The following BIN1 variants were observed in gnomAD, a reference collection of about 807,000 sequenced individuals.
BIN1 encodes the protein myc box-dependent-interacting protein 1.
Under a neutral mutation model 82.0 loss-of-function variants are expected in BIN1, and 53 were observed. The observed-to-expected ratio is 0.65, with a 90% CI of 0.52 to 0.81. The LOEUF is 0.81. Among genes scored for constraint, BIN1 ranks in the 40% least tolerant of loss-of-function variants. The pLI is 0.00. For synonymous variants in BIN1, 302 were observed against 328.0 expected (o/e 0.92, Z 0.86); for missense variants, 642 against 784.4 (o/e 0.82, Z 2.17).
rs3832046 is a variant in BIN1, at chr2:127,069,731, A to AAC, written c.411+262_411+263dup. Among the ~76,000 whole-genome samples the AAC allele has an allele frequency of 0.13, 18,856 of 147,568 alleles. 1,385 individuals carry two copies. The highest frequency in any genetic ancestry group is 0.28 in the South Asian group (1,285 of 4,536). ...ATCATATAGCCAGCCACTCCGCAGC[A>AAC]ACACACACACACACACACACACACA... On this transcript the variant is annotated intron_variant, in intron 5 of 18. Coordinates refer to ENST00000316724, the MANE Select transcript of BIN1 (RefSeq NM_139343.3).
intron 17 of BIN1, 59 bp from the exon 18 acceptor site, chr2:127,050,581 G>A: frequency 6.3e-7 from 1 of 1,582,994 alleles, no homozygotes; most frequent in Non-Finnish European, 8.7e-7. Context: ...CCTGCACAGA[G>A]CACGGGCCTT....
At chr2:127,077,551 C>T (rs1284866716) in intron 1 of BIN1, among the ~76,000 whole-genome samples, 16 of 152,290 alleles carry the variant, frequency 1.1e-4, no homozygotes, top group Admixed American at 4.6e-4. Flanking sequence ...GACCATCACG[C>T]TCTCCCAGAC....
chr2:127,076,685 C>T lies in BIN1; in HGVS notation c.106G>A (p.Ala36Thr). 1 of 1,614,106 alleles carries T rather than the reference C, an allele frequency of 6.2e-7. No homozygotes were observed. The highest frequency in any genetic ancestry group is 8.5e-7 in the Non-Finnish European group (1 of 1,180,026). Residue 36 changes from alanine to threonine, a missense_variant, in exon 2 of 19, where the codon GCA becomes ACA. Physicochemically the swap from Ala to Thr is moderately conservative, Grantham distance 58. Coordinates refer to ENST00000316724, the MANE Select transcript of BIN1 (RefSeq NM_139343.3). ...AACTGCTCATCCTTGGTCTCATCTGCCTTCCCCAGCTTCTGGAGAACCTGC... is the reference window on the plus strand; with the variant it reads ...AACTGCTCATCCTTGGTCTCATCTGTCTTCCCCAGCTTCTGGAGAACCTGC... ...QEKVLQKLGK[A>T]DETKDEQFEQ...
At chr2:127,066,002 G>A (rs1236098535) in intron 7 of BIN1, among the ~76,000 whole-genome samples, 2 of 152,180 alleles carry the variant, frequency 1.3e-5, no homozygotes, top group East Asian at 1.9e-4. Flanking sequence ...CCGGGGTCCC[G>A]AGGACAGCAT....
chr2:127,077,899 G>A lies in BIN1; in HGVS notation c.85-1193C>T, dbSNP rs183900859. 1.9e-3 allele frequency among the ~76,000 whole-genome samples: 283 copies of A among 152,214 alleles called. 1 individual carries two copies. The highest frequency in any genetic ancestry group is 6.0e-3 in the African/African-American group (249 of 41,522). ...GACCTCACAAGAATGAGAAGGAAAC[G>A]GGGGTAGGGGATGGGAGTGGAAAGC... On this transcript the variant is annotated intron_variant, in intron 1 of 18. Transcript: ENST00000316724.
chr2:127,092,676 A>G (rs1354613217), intron 1 of BIN1, among the ~76,000 whole-genome samples: 4 of 152,212 alleles, frequency 2.6e-5, no homozygotes, highest in Non-Finnish European at 5.9e-5. Context: ...TCCACCCTGC[A>G]GTCCCAGTCA....
In BIN1 at chr2:127,063,582, C is replaced by T. The variant is rs1276771357; in HGVS notation, c.763G>A (p.Glu255Lys). ...TCCCCATGGCCTACCTTGCTCATCTCCTTGTGGAAGTTTTCCTCCAGGCCC... is the reference window on the plus strand; with the variant it reads ...TCCCCATGGCCTACCTTGCTCATCTTCTTGTGGAAGTTTTCCTCCAGGCCC... The part of the protein sequence containing the change: ...IAGLEENFHK[E>K]MSKLNQNLND... The change falls in exon 9 of 19, where the codon GAG becomes AAG. Residue 255 changes from glutamate (E) to lysine (K), a missense_variant. Glu to Lys is a moderately conservative substitution (Grantham distance 56). Transcript: ENST00000316724. The T allele has an allele frequency of 6.2e-7, 1 of 1,614,006 alleles. No individual in the cohort carries two copies. The highest frequency in any genetic ancestry group is 8.5e-7 in the Non-Finnish European group (1 of 1,179,970).
chr2:127,077,618 G>A (rs73953231), intron 1 of BIN1, among the ~76,000 whole-genome samples: 4,554 of 152,260 alleles, frequency 0.03, 252 homozygotes, highest in African/African-American at 0.1. Context: ...GGAGAGAGAG[G>A]TGGGAGCAGG....
chr2:127,089,713 C>T (rs1311349051), intron 1 of BIN1, among the ~76,000 whole-genome samples: 2 of 152,122 alleles, frequency 1.3e-5, no homozygotes, highest in African/African-American at 4.8e-5. Flanking sequence ...GGGCAGCTGG[C>T]CAGGAACCCC....
At chr2:127,096,694 C>T (rs1341980332) in intron 1 of BIN1, among the ~76,000 whole-genome samples, 3 of 152,200 alleles carry the variant, frequency 2.0e-5, no homozygotes, top group Admixed American at 1.3e-4. Flanking sequence ...ACAGCTCATA[C>T]CACTTCAGGC....
chr2:127,073,547 C>T (rs1014215016), intron 2 of BIN1, among the ~76,000 whole-genome samples: 3 of 152,316 alleles, frequency 2.0e-5, no homozygotes, highest in African/African-American at 4.8e-5. Flanking sequence ...ACATCAGTCC[C>T]CACAGGTGGC....
At position 127,054,032 on chromosome 2, in the gene BIN1, G is replaced by A; in HGVS notation, c.1132-20C>T. ...CTCAAACTTGGCAGCAGCAGCAGCA[G>A]CAGAGGAGGAAGCAGTTAGTGTTAA... On this transcript the variant is annotated intron_variant, in intron 12 of 18. Coordinates refer to ENST00000316724, the MANE Select transcript of BIN1 (RefSeq NM_139343.3). 6.5e-7 allele frequency: 1 copy of A among 1,547,652 alleles called. No individual in the cohort carries two copies.
chr2:127,106,225 G>A (rs572883789), intron 1 of BIN1, among the ~76,000 whole-genome samples: 1 of 152,324 alleles, frequency 6.6e-6, no homozygotes, highest in African/African-American at 2.4e-5. Flanking sequence ...CTTGCGGGGT[G>A]CGTAGCCCTG....
At chr2:127,056,700 C>A (rs1683717040) in intron 12 of BIN1, among the ~76,000 whole-genome samples, 1 of 152,236 alleles carries the variant, frequency 6.6e-6, no homozygotes, top group South Asian at 2.1e-4. Context: ...GCAGTCAGCT[C>A]TCGGGGAGTG....
At chr2:127,065,475 C>G (rs907822940) in intron 7 of BIN1, among the ~76,000 whole-genome samples, 1 of 152,166 alleles carries the variant, frequency 6.6e-6, no homozygotes, top group East Asian at 1.9e-4. Flanking sequence ...GGGGGGCTGC[C>G]AACCATGGTT....
In BIN1 at chr2:127,093,218, T is replaced by C. The variant is rs535984606; in HGVS notation, c.84+13642A>G. On this transcript the variant is annotated intron_variant, in intron 1 of 18. Transcript: ENST00000316724. The surrounding 1 kb of genome is among the most constrained non-coding windows in gnomAD (Gnocchi z 5.7). ...CACAGCACCCCAAAGTGTGGTGCTGTGGCTCACTGCAGACTCTGAACAAAG... is the reference window on the plus strand; with the variant it reads ...CACAGCACCCCAAAGTGTGGTGCTGCGGCTCACTGCAGACTCTGAACAAAG... 1.4e-3 allele frequency among the ~76,000 whole-genome samples: 208 copies of C among 152,294 alleles called. 1 individual carries two copies. The South Asian group carries it at 0.016, about 12-fold the overall frequency.
rs1685412736 is a variant in BIN1 at position 127,068,317 on chromosome 2, CAG to C, written c.520-64_520-63del. On this transcript the variant is annotated intron_variant, in intron 6 of 18. Transcript: ENST00000316724. The surrounding 1 kb of genome is among the most constrained non-coding windows in gnomAD (Gnocchi z 4.9). Reference sequence around the variant, plus strand: ...GACCAGGGAGGTGGGGAGAGAGAAACAGAGACACACAGATTAAATGCAGGTCC... The same window carrying C: ...GACCAGGGAGGTGGGGAGAGAGAAACAGACACACAGATTAAATGCAGGTCC... 8.8e-6 allele frequency: 12 copies of C among 1,356,482 alleles called. No individual in the cohort carries two copies. In the Middle Eastern group the frequency reaches 1.1e-3, roughly 121 times the overall value. The allele number at this position is 1,356,482 out of a possible 1,614,324, so 84.0% of individuals were successfully genotyped here. A position where few individuals can be genotyped will look rare whatever the true frequency, so the allele number is the denominator to read the frequency against.
chr2:127,074,571 A>T (rs750916381), intron 2 of BIN1, among the ~76,000 whole-genome samples: 6 of 152,234 alleles, frequency 3.9e-5, no homozygotes, highest in Non-Finnish European at 8.8e-5. Context: ...CCAGAGTCAG[A>T]GACCCAGAGA....
intron 1 of BIN1, among the ~76,000 whole-genome samples, chr2:127,080,289 C>A (rs1309218478): frequency 6.6e-6 from 1 of 152,240 alleles, no homozygotes; most frequent in Non-Finnish European, 1.5e-5. Context: ...GTTAGTGGGG[C>A]CTCCCCTGTG....
Sources: allele counts gnomAD v4.1 joint callset (sites outside exome capture counted in the v4.1 genomes callset), GRCh38; gene constraint gnomAD v4.1.1; non-coding constraint Gnocchi (gnomAD v3.1); transcripts MANE v1.5; gene names NCBI Gene and HGNC (gene_info 2026-07-23, HGNC 2026-07-21).